DNAJC7: variants seen among roughly 807,000 people sequenced by gnomAD.
DNAJC7 encodes the protein DnaJ heat shock protein family (Hsp40) member C7.
In DNAJC7, 18 loss-of-function variants were observed where a neutral mutation model predicts 67.4. The ratio of observed to expected loss-of-function variants is 0.27; its 90% CI spans 0.18 to 0.40. The LOEUF (loss-of-function observed/expected upper bound fraction) is 0.40, where lower values mean the gene tolerates loss of function less well. DNAJC7 is among the 10% of genes least tolerant of loss of function. DNAJC7 has a pLI of 1.00. For synonymous variants in DNAJC7, 220 were observed against 207.8 expected (o/e 1.06, Z -0.50); for missense variants, 419 against 613.8 (o/e 0.68, Z 3.35).
At chr17:42,002,423 C>G (rs2051832081) in intron 1 of DNAJC7, among the ~76,000 whole-genome samples, 1 of 152,152 alleles carries the variant, frequency 6.6e-6, no homozygotes, top group Non-Finnish European at 1.5e-5. Flanking sequence ...CTGAAAGGTG[C>G]CCCTAGTCTC....
At chr17:42,012,446 G>A (rs959686723) in intron 1 of DNAJC7, among the ~76,000 whole-genome samples, 1 of 152,202 alleles carries the variant, frequency 6.6e-6, no homozygotes, top group Non-Finnish European at 1.5e-5. Context: ...TCACACCACT[G>A]CACTCCAGCC....
At position 41,991,422 on chromosome 17, in the gene DNAJC7, G is replaced by C. The variant is rs1262202564; in HGVS notation, c.481-1040C>G. ...AAAATAGAATGAAGAAGCTCTTCAT[G>C]TACTAATATGGAAAGACTTCCAAGA... On this transcript the variant is annotated intron_variant, in intron 5 of 13. Transcript: ENST00000457167. Among the ~76,000 whole-genome samples, 4 of 152,096 alleles carry C rather than the reference G, an allele frequency of 2.6e-5. No individual in the cohort carries two copies. The East Asian group carries it at 7.7e-4, about 29-fold the overall frequency.
chr17:41,984,734 T>C (rs2051334419), intron 9 of DNAJC7: 1 of 152,184 alleles, frequency 6.6e-6, no homozygotes, highest in African/African-American at 2.4e-5. Context: ...AGACAGCCAC[T>C]GTCAGCTGGG....
Position 41,994,952 on chromosome 17 carries a change from G to A in DNAJC7, c.406-8C>T, listed in dbSNP as rs6503679. On this transcript the variant is annotated splice_polypyrimidine_tract_variant and splice_region_variant and intron_variant, in intron 4 of 13. Transcript: ENST00000457167. The stretch of plus-strand genomic sequence containing the variant: ...TGCATTAGCATTCTTGAACTGCACC[G>A]GAAAATCAGACATAGGAAAGTTTTA... 1,342,900 of 1,610,414 alleles carry A rather than the reference G, an allele frequency of 0.83. 565,550 individuals carry two copies. Among genetic ancestry groups the A allele is most frequent in the Admixed American group, 0.88 (52,667 of 59,556 alleles).
intron 1 of DNAJC7, among the ~76,000 whole-genome samples, chr17:42,002,228 A>T (rs2051826718): frequency 6.6e-6 from 1 of 152,256 alleles, no homozygotes; most frequent in Non-Finnish European, 1.5e-5. Context: ...GAAATGGAGT[A>T]GCAAATTCCA....
intron 8 of DNAJC7, 105 bp from the exon 9 acceptor site, chr17:41,988,015 C>T (rs1218087104): frequency 1.1e-6 from 1 of 883,844 alleles, no homozygotes; most frequent in East Asian, 2.6e-5. Flanking sequence ...TCATGCTGGC[C>T]CCTTAAATGT....
chr17:41,990,347 G>C lies in DNAJC7; in HGVS notation c.516C>G (p.Ala172=). Residue 172 remains alanine (A), a synonymous_variant, in exon 6 of 14, where the codon GCC becomes GCG. Coordinates refer to ENST00000457167, the MANE Select transcript of DNAJC7 (RefSeq NM_003315.4). ...VFCMDRALEF[A]PACHRFKILK... ...GGATTTTGAAGCGATGGCAGGCAGG[G>C]GCAAATTCTAGGGCACGGTCCATGC... The C allele has an allele frequency of 6.2e-7, 1 of 1,611,230 alleles. No homozygotes were observed. Among genetic ancestry groups the C allele is most frequent in the South Asian group, 1.1e-5 (1 of 90,302 alleles).
At chr17:41,996,530 G>A (rs534898211) in intron 3 of DNAJC7, 106 bp from the exon 4 acceptor site, 30 of 906,392 alleles carry the variant, frequency 3.3e-5, no homozygotes, top group South Asian at 2.8e-4. Context: ...GGCCAGGCGC[G>A]GTGACTCACA....
intron 12 of DNAJC7, 145 bp downstream of exon 12, chr17:41,981,710 T>G: frequency 8.7e-7 from 1 of 1,146,278 alleles, no homozygotes; most frequent in Non-Finnish European, 1.2e-6. Flanking sequence ...CACATTTGAC[T>G]GCATTTGTTT....
At chr17:41,984,172 T>C (rs1555646425) in intron 9 of DNAJC7, 1 of 152,198 alleles carries the variant, frequency 6.6e-6, no homozygotes, top group Non-Finnish European at 1.5e-5. Flanking sequence ...CAATGAGAGA[T>C]GCAGGTAAAT....
chr17:42,006,214 C>T (rs1303005122), intron 1 of DNAJC7, among the ~76,000 whole-genome samples: 2 of 151,394 alleles, frequency 1.3e-5, no homozygotes, highest in East Asian at 2.0e-4. Flanking sequence ...AGTGCAGTGG[C>T]GCAATCTCGG....
chr17:42,015,279 CTAA>C (rs1226733737), intron 1 of DNAJC7: 1 of 152,130 alleles, frequency 6.6e-6, no homozygotes, highest in Non-Finnish European at 1.5e-5. Context: ...TGCACCCAGC[CTAA>C]TGACACTTAA....
chr17:41,977,424 C>A, intron 12 of DNAJC7, 101 bp from the exon 13 acceptor site: 1 of 1,088,442 alleles, frequency 9.2e-7, no homozygotes, highest in South Asian at 1.5e-5. Context: ...CAAAGCTTTC[C>A]TGGAGAGTCT....
At chr17:41,983,765 A>C in intron 9 of DNAJC7, 129 bp from the exon 10 acceptor site, 1 of 706,078 alleles carries the variant, frequency 1.4e-6, no homozygotes, top group Admixed American at 3.2e-5. Flanking sequence ...CAGAAACAGG[A>C]GCCCTTAATC....
At chr17:42,004,111 T>C (rs1219101932) in intron 1 of DNAJC7, among the ~76,000 whole-genome samples, 3 of 152,178 alleles carry the variant, frequency 2.0e-5, no homozygotes, top group African/African-American at 7.2e-5. Flanking sequence ...TGTGCCACCA[T>C]GCCCAGCTAT....
chr17:41,985,310 T>C (rs2051348183), intron 9 of DNAJC7: 1 of 151,912 alleles, frequency 6.6e-6, no homozygotes, highest in Non-Finnish European at 1.5e-5. Context: ...ATAAATATTA[T>C]ATTAGGAGTT....
chr17:41,999,620 A>T (rs2051753288), intron 2 of DNAJC7, among the ~76,000 whole-genome samples: 1 of 152,064 alleles, frequency 6.6e-6, no homozygotes, highest in Non-Finnish European at 1.5e-5. Context: ...TCCTGGGTTC[A>T]AGCGATTCTC....
At position 41,983,426 on chromosome 17, in the gene DNAJC7, T is replaced by C. The variant is rs567523539; in HGVS notation, c.1084+137A>G. The C allele has an allele frequency of 1.8e-3, 1,371 of 781,042 alleles. 9 individuals carry two copies. The highest frequency in any genetic ancestry group is 2.0e-3 in the Non-Finnish European group (983 of 499,844). The allele number at this position is 781,042 out of a possible 1,614,324, so 48.4% of individuals were successfully genotyped here. A position where few individuals can be genotyped will look rare whatever the true frequency, so the allele number is the denominator to read the frequency against. ...AGGCGTGAGCCACCACGCCCAGCCT[T>C]TGTTCACTTCTTTCTGGCTGGTGAT... is the stretch of plus-strand genomic sequence containing the variant. On this transcript the variant is annotated intron_variant, in intron 10 of 13. Transcript: ENST00000457167.
intron 5 of DNAJC7, among the ~76,000 whole-genome samples, 200 bp downstream of exon 5, chr17:41,994,670 C>A (rs1476041391): frequency 6.6e-6 from 1 of 151,958 alleles, no homozygotes; most frequent in Non-Finnish European, 1.5e-5. Context: ...TACCTTTTAT[C>A]ATAGGGCCAA....
Sources: gnomAD v4.1 joint callset for allele counts (sites outside exome capture counted in the v4.1 genomes callset) on GRCh38, gnomAD v4.1.1 for gene constraint, MANE v1.5 for transcripts, NCBI Gene and HGNC (gene_info 2026-07-23, HGNC 2026-07-21) for gene names.